JARID2: variants seen among roughly 807,000 people sequenced by gnomAD.
JARID2 encodes the protein jumonji and AT-rich interaction domain containing 2, also known as protein Jumonji.
In JARID2, 21 loss-of-function variants were observed where a neutral mutation model predicts 125.6. The ratio of observed to expected loss-of-function variants is 0.17; its 90% CI spans 0.12 to 0.24. The LOEUF (loss-of-function observed/expected upper bound fraction) is 0.24. Among genes scored for constraint, JARID2 ranks in the 10% least tolerant of loss-of-function variants. The pLI, the probability that JARID2 is intolerant of heterozygous loss-of-function variation, is 1.00. For missense variants in JARID2, 1,303 were observed against 1,639.6 expected, an observed-to-expected ratio of 0.79 and a Z score of 3.55; for synonymous variants, 736 against 661.6, an observed-to-expected ratio of 1.11 and a Z score of -1.73.
chr6:15,261,072 A>T (rs1302110266), intron 1 of JARID2, among the ~76,000 whole-genome samples: 1 of 152,236 alleles, frequency 6.6e-6, no homozygotes, highest in East Asian at 1.9e-4. Flanking sequence ...TTTACCAAGG[A>T]AGGCCATTAT....
At chr6:15,484,504 A>G (rs1260980563) in intron 5 of JARID2, among the ~76,000 whole-genome samples, 4 of 150,790 alleles carry the variant, frequency 2.7e-5, no homozygotes, top group Non-Finnish European at 5.9e-5. Context: ...CTGATTGTGC[A>G]GTAACCTGAG....
Position 15,507,342 on chromosome 6 carries a change from G to C in JARID2, c.2661-4G>C. 6.2e-7 allele frequency: 1 copy of C among 1,613,776 alleles called. No homozygotes were observed. The highest frequency in any genetic ancestry group is 8.5e-7 in the Non-Finnish European group (1 of 1,179,738). On this transcript the variant is annotated splice_region_variant and splice_polypyrimidine_tract_variant and intron_variant, in intron 10 of 17. Coordinates refer to ENST00000341776, the MANE Select transcript of JARID2 (RefSeq NM_004973.4). Reference sequence around the variant, plus strand: ...TGTAACGTCCCTCGTCTTCCCCTTTGCAGGCATGGATGGAACCTCACCGTC... The same window carrying C: ...TGTAACGTCCCTCGTCTTCCCCTTTCCAGGCATGGATGGAACCTCACCGTC...
At chr6:15,369,482 C>G (rs537431208) in intron 1 of JARID2, among the ~76,000 whole-genome samples, 40 of 152,248 alleles carry the variant, frequency 2.6e-4, no homozygotes, top group South Asian at 8.3e-4. Flanking sequence ...ACCAGTAAAC[C>G]AGAATGCATG....
At chr6:15,320,848 C>CTGTG (rs764906403) in intron 1 of JARID2, among the ~76,000 whole-genome samples, 2,503 of 134,978 alleles carry the variant, frequency 0.019, 72 homozygotes, top group African/African-American at 0.066. Context: ...TTCTCTCTCT[C>CTGTG]TCTCTGTGTG....
chr6:15,461,745 A>G (rs1768459755), intron 4 of JARID2, among the ~76,000 whole-genome samples: 1 of 152,208 alleles, frequency 6.6e-6, no homozygotes, highest in Non-Finnish European at 1.5e-5. Flanking sequence ...TGGAGCCATA[A>G]AAATGTTTCG....
At position 15,383,788 on chromosome 6, in the gene JARID2, C is replaced by T. The variant is rs1028178082; in HGVS notation, c.181+9536C>T. ...ACACCACCTGCCTGCTTGACTGCTGCATTTTGATTTTATTATTTTATTTTT... is the reference window on the plus strand; with the variant it reads ...ACACCACCTGCCTGCTTGACTGCTGTATTTTGATTTTATTATTTTATTTTT... On this transcript the variant is annotated intron_variant, in intron 2 of 17. Coordinates refer to ENST00000341776, the MANE Select transcript of JARID2 (RefSeq NM_004973.4). 2.0e-5 allele frequency among the ~76,000 whole-genome samples: 3 copies of T among 152,134 alleles called. No individual in the cohort carries two copies. The East Asian group carries it at 5.8e-4, about 29-fold the overall frequency.
chr6:15,389,177 T>C (rs1026520375), intron 2 of JARID2, among the ~76,000 whole-genome samples: 1 of 152,184 alleles, frequency 6.6e-6, no homozygotes, highest in African/African-American at 2.4e-5. Context: ...TTTATTTAAC[T>C]GTTTGTTTTT....
rs1411654610 is a variant in JARID2, at chr6:15,363,081, G to A, written c.46-11036G>A. Among the ~76,000 whole-genome samples, 6 of 152,162 alleles carry A rather than the reference G, an allele frequency of 3.9e-5. No individual in the cohort carries two copies. In the East Asian group the frequency reaches 1.2e-3, roughly 29 times the overall value. On this transcript the variant is annotated intron_variant, in intron 1 of 17. Coordinates refer to ENST00000341776, the MANE Select transcript of JARID2 (RefSeq NM_004973.4). ...GACGGCAGAAGAATCAAACTTGAAGGTGGTGGAGGTGATGAAACAGCAGAA... is the reference window on the plus strand; with the variant it reads ...GACGGCAGAAGAATCAAACTTGAAGATGGTGGAGGTGATGAAACAGCAGAA...
intron 4 of JARID2, among the ~76,000 whole-genome samples, chr6:15,454,810 T>G (rs908750865): frequency 1.3e-5 from 2 of 152,130 alleles, no homozygotes; most frequent in African/African-American, 4.8e-5. Context: ...GCTGAAAGAT[T>G]CTCCTGATCT....
At position 15,404,982 on chromosome 6, in the gene JARID2, C is replaced by CT. The variant is rs766218047; in HGVS notation, c.182-5233dup. Among the ~76,000 whole-genome samples the CT allele has an allele frequency of 2.8e-3, 422 of 151,460 alleles. 3 individuals carry two copies. The highest frequency in any genetic ancestry group is 9.0e-3 in the African/African-American group (371 of 41,314). ...TGATACAGACTACATGCTCTAGTCC[C>CT]TTTTTTTTTCCAGATATTAGAAAAG... On this transcript the variant is annotated intron_variant, in intron 2 of 17. Transcript: ENST00000341776.
rs575154104 is a variant in JARID2 at position 15,488,007 on chromosome 6, G to T, written c.906+465G>T. ...GAAGCAGAATATGTGCATGCTGTGT[G>T]CACTGCCGAGCAGTCTGTGGAACTG... On this transcript the variant is annotated intron_variant, in intron 6 of 17. Transcript: ENST00000341776. Among the ~76,000 whole-genome samples, 10 of 152,300 alleles carry T rather than the reference G, an allele frequency of 6.6e-5. No homozygotes were observed. The South Asian group carries it at 1.9e-3, about 28-fold the overall frequency.
intron 3 of JARID2, among the ~76,000 whole-genome samples, chr6:15,416,604 G>C (rs1204432188): frequency 6.6e-6 from 1 of 152,146 alleles, no homozygotes; most frequent in African/African-American, 2.4e-5. Flanking sequence ...AGGAGAATCA[G>C]GCAGGGAGGC....
chr6:15,315,887 C>T (rs1762163609), intron 1 of JARID2, among the ~76,000 whole-genome samples: 1 of 152,110 alleles, frequency 6.6e-6, no homozygotes, highest in Non-Finnish European at 1.5e-5. Context: ...TCTCAGGGCT[C>T]CCAAATTTAT....
intron 12 of JARID2, among the ~76,000 whole-genome samples, 158 bp downstream of exon 12, chr6:15,508,612 G>C (rs894007831): frequency 1.3e-5 from 2 of 152,168 alleles, no homozygotes; most frequent in East Asian, 3.9e-4. Flanking sequence ...CCGAAGCCTG[G>C]GCCTGGGATC....
chr6:15,374,518 C>T (rs1764280682), intron 2 of JARID2, among the ~76,000 whole-genome samples: 1 of 152,184 alleles, frequency 6.6e-6, no homozygotes, highest in African/African-American at 2.4e-5. Flanking sequence ...ATATGTATGT[C>T]TTTCCACACT....
intron 9 of JARID2, among the ~76,000 whole-genome samples, chr6:15,504,887 C>T (rs1298396255): frequency 4.6e-5 from 7 of 152,208 alleles, no homozygotes; most frequent in African/African-American, 1.7e-4. Flanking sequence ...CCTGCTTGCT[C>T]ACCCGGCTGT....
chr6:15,334,058 C>G (rs1381707057), intron 1 of JARID2, among the ~76,000 whole-genome samples: 2 of 152,136 alleles, frequency 1.3e-5, no homozygotes, highest in Non-Finnish European at 2.9e-5. Flanking sequence ...GGAGGGCTTG[C>G]TCAGTACATG....
chr6:15,458,982 A>G (rs1768322968), intron 4 of JARID2, among the ~76,000 whole-genome samples: 2 of 152,208 alleles, frequency 1.3e-5, no homozygotes, highest in African/African-American at 4.8e-5. Context: ...GGTTAGGAAG[A>G]TGTTACTGGC....
intron 6 of JARID2, among the ~76,000 whole-genome samples, chr6:15,489,100 A>G (rs1770022477): frequency 6.6e-6 from 1 of 152,230 alleles, no homozygotes; most frequent in Admixed American, 6.5e-5. Flanking sequence ...CAGAATTAGA[A>G]GCAACCCAGG....
Sources: gnomAD v4.1 joint callset for allele counts (sites outside exome capture counted in the v4.1 genomes callset) on GRCh38, gnomAD v4.1.1 for gene constraint, MANE v1.5 for transcripts, NCBI Gene and HGNC (gene_info 2026-07-23, HGNC 2026-07-21) for gene names.